The following BICC1 variants were observed in gnomAD, a reference collection of about 807,000 sequenced individuals.
BICC1 encodes protein bicaudal C homolog 1.
In BICC1, 43 loss-of-function variants were observed where a neutral mutation model predicts 111.0. The observed-to-expected ratio is 0.39, with a 90% CI of 0.30 to 0.50. BICC1 has a LOEUF of 0.50. BICC1 is among the 20% of genes least tolerant of loss of function. The pLI is 0.88. For synonymous variants in BICC1, 467 were observed against 434.4 expected, an observed-to-expected ratio of 1.07 and a Z score of -0.93; for missense variants, 1,091 against 1,203.2, an observed-to-expected ratio of 0.91 and a Z score of 1.38.
At chr10:58,589,576 A>T (rs1004871850) in intron 1 of BICC1, among the ~76,000 whole-genome samples, 1 of 151,574 alleles carries the variant, frequency 6.6e-6, no homozygotes, top group Non-Finnish European at 1.5e-5. Flanking sequence ...GGGTCAAGCT[A>T]TTCTCTTGCC....
chr10:58,583,370 C>G (rs1041696715), intron 1 of BICC1, among the ~76,000 whole-genome samples: 2 of 152,088 alleles, frequency 1.3e-5, no homozygotes, highest in African/African-American at 4.8e-5. Context: ...ATCCCCCTCC[C>G]ACCCTTCCCC....
intron 2 of BICC1, among the ~76,000 whole-genome samples, chr10:58,664,247 G>A (rs944423245): frequency 5.3e-5 from 8 of 152,130 alleles, no homozygotes; most frequent in Admixed American, 5.2e-4. Flanking sequence ...CTTTTGAAAT[G>A]TTAGTCATTC....
At chr10:58,710,834 A>C (rs1026382008) in intron 3 of BICC1, among the ~76,000 whole-genome samples, 1 of 151,970 alleles carries the variant, frequency 6.6e-6, no homozygotes, top group Admixed American at 6.6e-5. Context: ...GGGTAGAAAA[A>C]TGTGTGGTTT....
intron 1 of BICC1, among the ~76,000 whole-genome samples, chr10:58,576,256 T>C (rs1844108928): frequency 6.6e-6 from 1 of 152,166 alleles, no homozygotes; most frequent in South Asian, 2.1e-4. Context: ...ATACTTTTTG[T>C]ATGGCGTACT....
chr10:58,749,850 A>T (rs569016741), intron 3 of BICC1, among the ~76,000 whole-genome samples: 1 of 152,186 alleles, frequency 6.6e-6, no homozygotes, highest in Non-Finnish European at 1.5e-5. Flanking sequence ...AAATGAAAAC[A>T]GTGTGGATCA....
At chr10:58,614,709 G>T (rs906338886) in intron 1 of BICC1, among the ~76,000 whole-genome samples, 1 of 152,022 alleles carries the variant, frequency 6.6e-6, no homozygotes, top group Non-Finnish European at 1.5e-5. Flanking sequence ...TGATGGACTT[G>T]GAATGAAGGG....
chr10:58,828,663 A>G, intron 20 of BICC1, 98 bp from the exon 21 acceptor site: 1 of 1,336,796 alleles, frequency 7.5e-7, no homozygotes, highest in Non-Finnish European at 1.0e-6. Context: ...TCCTCAAAAA[A>G]CCTACCACGT....
At chr10:58,612,384 G>A (rs1009192308) in intron 1 of BICC1, among the ~76,000 whole-genome samples, 1 of 152,118 alleles carries the variant, frequency 6.6e-6, no homozygotes, top group Non-Finnish European at 1.5e-5. Context: ...CAGGGAAACA[G>A]TTAACATACA....
At position 58,807,141 on chromosome 10, in the gene BICC1, A is replaced by G. The variant is rs775441408; in HGVS notation, c.2359A>G (p.Met787Val). ...CAATCATGTGTCCTATAAGCCCACA[A>G]TGACAACCACTTATGAGGTTTGTAG... ...RANHVSYKPT[M>V]TTTYEGSSMS... Residue 787 changes from methionine to valine, a missense_variant, in exon 17 of 21, where the codon ATG (methionine) becomes GTG (valine). By Grantham distance (21) the Met-to-Val change is conservative. Coordinates refer to ENST00000373886, the MANE Select transcript of BICC1 (RefSeq NM_001080512.3). 2 of 1,613,670 alleles carry G rather than the reference A, an allele frequency of 1.2e-6. No homozygotes were observed. Among genetic ancestry groups the G allele is most frequent in the Non-Finnish European group, 1.7e-6 (2 of 1,179,786 alleles).
Position 58,709,571 on chromosome 10 carries a change from A to G in BICC1, c.307+7428A>G, listed in dbSNP as rs1840507994. 2.6e-5 allele frequency among the ~76,000 whole-genome samples: 4 copies of G among 152,346 alleles called. No homozygotes were observed. In the South Asian group the frequency reaches 8.3e-4, roughly 32 times the overall value. On this transcript the variant is annotated intron_variant, in intron 3 of 20. Coordinates refer to ENST00000373886, the MANE Select transcript of BICC1 (RefSeq NM_001080512.3). ...GTTGGCACTCAGTAAGTGTTTGTAG[A>G]TTGAGCCCTCAACTCAATCATGGAA...
At chr10:58,706,278 A>G (rs2393475) in intron 3 of BICC1, among the ~76,000 whole-genome samples, 151,938 of 152,328 alleles carry the variant, frequency 1, 75,775 homozygotes, top group Middle Eastern at 1. Flanking sequence ...TCATTAAAGT[A>G]CAAATTGCAT....
At chr10:58,583,132 G>A (rs1381249925) in intron 1 of BICC1, among the ~76,000 whole-genome samples, 3 of 152,094 alleles carry the variant, frequency 2.0e-5, no homozygotes, top group Non-Finnish European at 2.9e-5. Flanking sequence ...AGATGTCTCC[G>A]AGTTGTTATT....
intron 3 of BICC1, among the ~76,000 whole-genome samples, chr10:58,764,101 A>G (rs1429877826): frequency 6.6e-6 from 1 of 152,190 alleles, no homozygotes; most frequent in East Asian, 1.9e-4. Context: ...AATAGGCACT[A>G]TTGTCAAAAC....
chr10:58,631,174 G>C (rs190912886), intron 2 of BICC1, among the ~76,000 whole-genome samples: 2 of 152,242 alleles, frequency 1.3e-5, no homozygotes, highest in Non-Finnish European at 2.9e-5. Context: ...ACTTCTGTGG[G>C]AAGTTTGTAG....
At chr10:58,635,779 C>A (rs894177383) in intron 2 of BICC1, among the ~76,000 whole-genome samples, 1 of 152,268 alleles carries the variant, frequency 6.6e-6, no homozygotes, top group African/African-American at 2.4e-5. Flanking sequence ...AAGCCCTGAT[C>A]GTTCTTGACT....
chr10:58,558,625 C>T (rs1299113661), intron 1 of BICC1, among the ~76,000 whole-genome samples: 1 of 152,042 alleles, frequency 6.6e-6, no homozygotes, highest in Non-Finnish European at 1.5e-5. Context: ...ATGTCTCTTG[C>T]CTATGAGATC....
At chr10:58,619,715 C>T (rs185429997) in intron 1 of BICC1, among the ~76,000 whole-genome samples, 6 of 152,160 alleles carry the variant, frequency 3.9e-5, no homozygotes, top group South Asian at 4.1e-4. Flanking sequence ...CCTTGTGATC[C>T]GTCTGCCTCG....
At chr10:58,632,842 C>CATAGATAGATAGATAGATGG (rs1837837692) in intron 2 of BICC1, among the ~76,000 whole-genome samples, 1 of 143,998 alleles carries the variant, frequency 6.9e-6, no homozygotes. Flanking sequence ...AAAGGTTTTA[C>CATAGATAGATAGATAGATGG]ATAGATAGAT....
intron 1 of BICC1, among the ~76,000 whole-genome samples, chr10:58,613,545 C>T (rs1050151551): frequency 2.6e-5 from 4 of 152,124 alleles, no homozygotes; most frequent in Middle Eastern, 3.2e-3. Context: ...AATATATTAT[C>T]ATATCTCATA....
Sources: allele counts gnomAD v4.1 joint callset (sites outside exome capture counted in the v4.1 genomes callset), GRCh38; gene constraint gnomAD v4.1.1; transcripts MANE v1.5; gene names NCBI Gene and HGNC (gene_info 2026-07-23, HGNC 2026-07-21).